Variants in KIF6 observed in about 807,000 individuals in gnomAD.
KIF6 encodes kinesin-like protein KIF6.
KIF6 carries 106 observed loss-of-function variants against 112.7 expected under a neutral mutation model. The observed-to-expected ratio is 0.94, with a 90% CI of 0.80 to 1.11. The LOEUF is 1.11. KIF6 is among the 50% of genes least tolerant of loss of function. KIF6 has a pLI of 0.00. For missense variants in KIF6, 929 were observed against 964.0 expected, an observed-to-expected ratio of 0.96 and a Z score of 0.48; for synonymous variants, 339 against 339.9, an observed-to-expected ratio of 1.00 and a Z score of 0.03.
chr6:39,718,737 GAA>G (rs752779166), intron 2 of KIF6, among the ~76,000 whole-genome samples: 4 of 86,170 alleles, frequency 4.6e-5, no homozygotes, highest in Admixed American at 2.6e-4. Context: ...ACCTGTCTTA[GAA>G]AAAAAAAAAA....
chr6:39,513,997 G>T (rs543938382), intron 13 of KIF6, among the ~76,000 whole-genome samples: 1 of 150,256 alleles, frequency 6.7e-6, no homozygotes, highest in East Asian at 1.9e-4. Flanking sequence ...GTGTTATAGA[G>T]ATGTATCAAG....
At chr6:39,572,361 A>AT (rs1780688590) in intron 10 of KIF6, among the ~76,000 whole-genome samples, 1 of 152,120 alleles carries the variant, frequency 6.6e-6, no homozygotes, top group South Asian at 2.1e-4. Context: ...CCTTGGAATT[A>AT]TTTTTTGTAA....
intron 13 of KIF6, among the ~76,000 whole-genome samples, chr6:39,515,865 A>G (rs1777059592): frequency 6.6e-6 from 1 of 152,246 alleles, no homozygotes; most frequent in South Asian, 2.1e-4. Context: ...CGTTATTAAA[A>G]TCACTGAGAT....
intron 6 of KIF6, among the ~76,000 whole-genome samples, chr6:39,611,079 T>G (rs2499453): frequency 0.41 from 62,664 of 151,990 alleles, 14,360 homozygotes; most frequent in African/African-American, 0.61. Context: ...GCTGAGGTGG[T>G]CAGGCCACTT....
At chr6:39,601,394 G>T (rs1199192114) in intron 6 of KIF6, among the ~76,000 whole-genome samples, 1 of 151,990 alleles carries the variant, frequency 6.6e-6, no homozygotes, top group East Asian at 1.9e-4. Context: ...ATTGTTAAAA[G>T]GCATATTTGA....
intron 21 of KIF6, among the ~76,000 whole-genome samples, chr6:39,345,470 A>G (rs1763626875): frequency 6.6e-6 from 1 of 151,868 alleles, no homozygotes; most frequent in Non-Finnish European, 1.5e-5. Context: ...ATATGAAACA[A>G]CTCTGCCCAA....
intron 16 of KIF6, among the ~76,000 whole-genome samples, chr6:39,383,876 A>G (rs1251980128): frequency 6.6e-6 from 1 of 152,172 alleles, no homozygotes; most frequent in Non-Finnish European, 1.5e-5. Context: ...CACCTTCATC[A>G]TTAGATGCAT....
chr6:39,712,204 G>T (rs1378942579), intron 3 of KIF6, among the ~76,000 whole-genome samples: 1 of 151,972 alleles, frequency 6.6e-6, no homozygotes, highest in African/African-American at 2.4e-5. Flanking sequence ...AAAGGCAAAA[G>T]CAGCTATATT....
At chr6:39,348,480 A>G (rs918214130) in intron 19 of KIF6, among the ~76,000 whole-genome samples, 1 of 152,090 alleles carries the variant, frequency 6.6e-6, no homozygotes, top group African/African-American at 2.4e-5. Context: ...TAAGCTGCTC[A>G]AGCATCCTGT....
chr6:39,440,752 C>G (rs1309032289), intron 13 of KIF6, among the ~76,000 whole-genome samples: 1 of 152,050 alleles, frequency 6.6e-6, no homozygotes, highest in Non-Finnish European at 1.5e-5. Context: ...GATAATCTAT[C>G]GAGCTGTAGC....
chr6:39,447,876 C>A (rs57310726), intron 13 of KIF6, among the ~76,000 whole-genome samples: 12,297 of 152,096 alleles, frequency 0.081, 649 homozygotes, highest in Middle Eastern at 0.15. Flanking sequence ...CCTGGATTGC[C>A]AAAACCAGTG....
At chr6:39,556,948 G>C (rs1162015745) in intron 10 of KIF6, among the ~76,000 whole-genome samples, 1 of 152,010 alleles carries the variant, frequency 6.6e-6, no homozygotes, top group East Asian at 1.9e-4. Context: ...TAAATTTGTA[G>C]ACAACATTGA....
At chr6:39,472,506 A>G (rs960550972) in intron 13 of KIF6, among the ~76,000 whole-genome samples, 1 of 152,200 alleles carries the variant, frequency 6.6e-6, no homozygotes, top group Non-Finnish European at 1.5e-5. Flanking sequence ...GTCAGTGCCA[A>G]CTGCAATAGG....
chr6:39,608,824 A>G (rs1446137684), intron 6 of KIF6, among the ~76,000 whole-genome samples: 3 of 152,296 alleles, frequency 2.0e-5, no homozygotes, highest in African/African-American at 7.2e-5. Flanking sequence ...ATTGCCTGAA[A>G]TCACCAGGTC....
chr6:39,444,011 A>G (rs986161440), intron 13 of KIF6, among the ~76,000 whole-genome samples: 2 of 152,132 alleles, frequency 1.3e-5, no homozygotes, highest in Non-Finnish European at 2.9e-5. Flanking sequence ...TCACAACTCT[A>G]TTGGTAGTGG....
intron 13 of KIF6, among the ~76,000 whole-genome samples, chr6:39,474,295 T>G (rs1039384227): frequency 6.6e-6 from 1 of 152,222 alleles, no homozygotes; most frequent in Non-Finnish European, 1.5e-5. Flanking sequence ...CAGGGCTATT[T>G]GAAATATCAA....
intron 15 of KIF6, among the ~76,000 whole-genome samples, chr6:39,389,639 C>G (rs985922799): frequency 6.6e-6 from 1 of 152,154 alleles, no homozygotes; most frequent in Non-Finnish European, 1.5e-5. Flanking sequence ...CTGAGTTTGG[C>G]TCTTCCACAC....
chr6:39,698,357 G>C (rs1053115926), intron 3 of KIF6, among the ~76,000 whole-genome samples: 3 of 152,190 alleles, frequency 2.0e-5, no homozygotes, highest in Non-Finnish European at 4.4e-5. Context: ...ATACTGCCTA[G>C]TTGTAACATT....
chr6:39,362,319 GGATCCA>G (rs1370933925), intron 17 of KIF6, 109 bp downstream of exon 17: 2 of 790,076 alleles, frequency 2.5e-6, no homozygotes, highest in East Asian at 4.9e-5. Flanking sequence ...TGCTGTTCTA[GGATCCA>G]GCTGCTGGAC....
Sources: allele counts gnomAD v4.1 joint callset (sites outside exome capture counted in the v4.1 genomes callset), GRCh38; gene constraint gnomAD v4.1.1; transcripts MANE v1.5; gene names NCBI Gene and HGNC (gene_info 2026-07-23, HGNC 2026-07-21).